Variants in COL22A1 observed in about 807,000 individuals in gnomAD.
COL22A1 encodes collagen alpha-1(XXII) chain.
Under a neutral mutation model 248.9 loss-of-function variants are expected in COL22A1, and 221 were observed. The observed-to-expected ratio is 0.89, with a 90% CI of 0.80 to 0.99. The LOEUF (loss-of-function observed/expected upper bound fraction) is 0.99. Ranked by LOEUF, COL22A1 falls within the 50% of genes least tolerant of loss-of-function variation. The pLI is 0.00. For missense variants in COL22A1, 2,240 were observed against 2,179.0 expected (o/e 1.03, Z -0.56); for synonymous variants, 891 against 793.4 (o/e 1.12, Z -2.07).
intron 3 of COL22A1, among the ~76,000 whole-genome samples, chr8:138,875,584 G>A (rs1823655067): frequency 6.6e-6 from 1 of 152,192 alleles, no homozygotes; most frequent in Non-Finnish European, 1.5e-5. Context: ...AGCTGGGGCT[G>A]TGACCCTGTG....
intron 29 of COL22A1, 84 bp from the exon 30 acceptor site, chr8:138,715,819 T>C: frequency 1.0e-6 from 1 of 989,492 alleles, no homozygotes; most frequent in Non-Finnish European, 1.6e-6. Context: ...CAACATGACT[T>C]TGGAAAAACA....
intron 12 of COL22A1, among the ~76,000 whole-genome samples, chr8:138,786,911 C>CA (rs977157397): frequency 6.6e-6 from 1 of 151,886 alleles, no homozygotes; most frequent in African/African-American, 2.4e-5. Context: ...GACACCATCC[C>CA]AAAAAAAGAA....
chr8:138,897,886 A>C (rs1814242095), intron 1 of COL22A1, among the ~76,000 whole-genome samples: 1 of 152,128 alleles, frequency 6.6e-6, no homozygotes, highest in Admixed American at 6.5e-5. Flanking sequence ...TTTAAACAAC[A>C]GAAATGTATT....
At chr8:138,619,425 T>C in intron 53 of COL22A1, 30 bp downstream of exon 53, 2 of 1,609,970 alleles carry the variant, frequency 1.2e-6, no homozygotes, top group Non-Finnish European at 1.7e-6. Context: ...GGCTTGGTTC[T>C]ACCGTTCCCC....
intron 43 of COL22A1, among the ~76,000 whole-genome samples, chr8:138,660,774 A>ATG (rs1823753838): frequency 6.6e-6 from 1 of 151,588 alleles, no homozygotes; most frequent in African/African-American, 2.4e-5. Flanking sequence ...ATGTGCATGC[A>ATG]CGCATGCACA....
chr8:138,776,410 A>C (rs764033069), intron 15 of COL22A1, among the ~76,000 whole-genome samples: 1 of 152,146 alleles, frequency 6.6e-6, no homozygotes. Flanking sequence ...AGGGGTCCCA[A>C]CGTTGAATCA....
At chr8:138,596,632 A>G (rs1817557061) in intron 62 of COL22A1, among the ~76,000 whole-genome samples, 1 of 152,232 alleles carries the variant, frequency 6.6e-6, no homozygotes, top group South Asian at 2.1e-4. Flanking sequence ...CACAGAATAA[A>G]TGATTGATCA....
chr8:138,873,846 G>A (rs1001156336), intron 3 of COL22A1, among the ~76,000 whole-genome samples: 11 of 152,174 alleles, frequency 7.2e-5, no homozygotes, highest in African/African-American at 1.4e-4. Context: ...CTGTTTTAAT[G>A]CATGGTTATT....
At chr8:138,849,782 C>T (rs1821496933) in intron 3 of COL22A1, among the ~76,000 whole-genome samples, 1 of 152,142 alleles carries the variant, frequency 6.6e-6, no homozygotes, top group Non-Finnish European at 1.5e-5. Flanking sequence ...AGTAATTTAC[C>T]CAACATCACA....
intron 55 of COL22A1, 123 bp downstream of exon 55, chr8:138,615,878 T>C: frequency 1.4e-6 from 1 of 694,650 alleles, no homozygotes; most frequent in Non-Finnish European, 2.5e-6. Flanking sequence ...AATCCTGTGA[T>C]GTCATCTGTG....
intron 12 of COL22A1, among the ~76,000 whole-genome samples, chr8:138,793,467 A>AGAG (rs145052802): frequency 0.032 from 4,867 of 152,310 alleles, 161 homozygotes; most frequent in African/African-American, 0.082. Flanking sequence ...TCCATTGTAC[A>AGAG]GAGGAAGCAG....
intron 53 of COL22A1, among the ~76,000 whole-genome samples, chr8:138,617,665 T>C (rs1023349142): frequency 1.3e-5 from 2 of 152,314 alleles, no homozygotes; most frequent in South Asian, 4.1e-4. Context: ...CCGCCTGGCA[T>C]AGCTTTGCAG....
chr8:138,676,458 G>GAAAGGAAGA (rs1564179990), intron 41 of COL22A1, 100 bp downstream of exon 41: 3 of 155,664 alleles, frequency 1.9e-5, no homozygotes, highest in African/African-American at 1.8e-4. Flanking sequence ...AGAAAGAAAG[G>GAAAGGAAGA]AAGAAAGAAA....
chr8:138,862,341 C>T (rs910265603), intron 3 of COL22A1, among the ~76,000 whole-genome samples: 2 of 152,194 alleles, frequency 1.3e-5, no homozygotes, highest in African/African-American at 4.8e-5. Context: ...GGGAAGTCGG[C>T]CTCTGTCCGT....
chr8:138,887,960 C>T (rs1824789603), intron 1 of COL22A1, among the ~76,000 whole-genome samples: 1 of 152,124 alleles, frequency 6.6e-6, no homozygotes, highest in Admixed American at 6.6e-5. Context: ...GCTTGTTTCC[C>T]ATGCATTTCT....
At chr8:138,629,625 G>T (rs62527860) in intron 50 of COL22A1, among the ~76,000 whole-genome samples, 2,491 of 152,312 alleles carry the variant, frequency 0.016, 37 homozygotes, top group African/African-American at 0.028. Flanking sequence ...GTGGGTCAAT[G>T]TGGAATAGCA....
chr8:138,804,101 T>TC (rs1215108057), intron 10 of COL22A1, among the ~76,000 whole-genome samples: 1 of 152,112 alleles, frequency 6.6e-6, no homozygotes, highest in Non-Finnish European at 1.5e-5. Context: ...CCTGCTCCCT[T>TC]CCCCCTGGCC....
intron 3 of COL22A1, among the ~76,000 whole-genome samples, chr8:138,849,506 C>A (rs1435340717): frequency 6.6e-6 from 1 of 152,256 alleles, no homozygotes; most frequent in Non-Finnish European, 1.5e-5. Context: ...GTGGCAACGT[C>A]AGCATGATGG....
intron 21 of COL22A1, 64 bp downstream of exon 21, chr8:138,755,093 C>T: frequency 1.3e-6 from 2 of 1,523,654 alleles, no homozygotes; most frequent in Non-Finnish European, 1.8e-6. Flanking sequence ...TGACTCTGAT[C>T]TTCCAAACCC....
Sources: gnomAD v4.1 joint callset for allele counts (sites outside exome capture counted in the v4.1 genomes callset) on GRCh38, gnomAD v4.1.1 for gene constraint, MANE v1.5 for transcripts, NCBI Gene and HGNC (gene_info 2026-07-23, HGNC 2026-07-21) for gene names.